The following ALYREF variants were observed in gnomAD, a reference collection of about 807,000 sequenced individuals.
ALYREF encodes THO complex subunit 4.
In ALYREF, 1 loss-of-function variant was observed where a neutral mutation model predicts 25.2. That is an observed-to-expected ratio of 0.04 (90% confidence interval 0.01 to 0.19). The LOEUF (loss-of-function observed/expected upper bound fraction) is 0.19. Ranked by LOEUF, ALYREF falls within the 10% of genes least tolerant of loss-of-function variation. The probability of loss-of-function intolerance (pLI) is 1.00; values close to 1 mark genes in which losing one functional copy is unlikely to be tolerated. For missense variants in ALYREF, 328 were observed against 375.6 expected, an observed-to-expected ratio of 0.87 and a Z score of 1.05; for synonymous variants, 193 against 153.5, an observed-to-expected ratio of 1.26 and a Z score of -1.90.
Position 81,888,085 on chromosome 17 carries a change from G to C in ALYREF, c.*46C>G, listed in dbSNP as rs1006687270. 1.2e-6 allele frequency: 2 copies of C among 1,613,128 alleles called. No homozygotes were observed. Among genetic ancestry groups the C allele is most frequent in the Non-Finnish European group, 1.7e-6 (2 of 1,179,844 alleles). On this transcript the variant is annotated 3_prime_UTR_variant, in exon 6 of 6. Transcript: ENST00000505490. The surrounding 1 kb of genome is among the most constrained non-coding windows in gnomAD (Gnocchi z 5.8). ...CCACCGCCCCCCAACCAGGGAGCAA[G>C]AGGAGACGCCTGGGTCCTGTTCCGC...
At position 81,888,083 on chromosome 17, in the gene ALYREF, A is replaced by C; in HGVS notation, c.*48T>G. 1 of 1,613,074 alleles carries C rather than the reference A, an allele frequency of 6.2e-7. No individual in the cohort carries two copies. Among genetic ancestry groups the C allele is most frequent in the Non-Finnish European group, 8.5e-7 (1 of 1,179,760 alleles). On this transcript the variant is annotated 3_prime_UTR_variant, in exon 6 of 6. Transcript: ENST00000505490. This position sits in a 1 kb window ranked among gnomAD's most constrained non-coding sequence, Gnocchi z 5.8. ...AGCCACCGCCCCCCAACCAGGGAGC[A>C]AGAGGAGACGCCTGGGTCCTGTTCC... is the stretch of plus-strand genomic sequence containing the variant.
chr17:81,890,562 C>A, intron 2 of ALYREF, 127 bp downstream of exon 2: 2 of 1,423,018 alleles, frequency 1.4e-6, no homozygotes, highest in South Asian at 1.3e-5. Flanking sequence ...TGGGTCTGTC[C>A]TGCAGCCCTT....
At chr17:81,891,227 T>G (rs1037808310) in intron 1 of ALYREF, 96 bp downstream of exon 1, 14 of 982,702 alleles carry the variant, frequency 1.4e-5, no homozygotes, top group Admixed American at 6.4e-5. Context: ...ACCAGCCTTA[T>G]CCACCCGCCG....
At position 81,890,677 on chromosome 17, in the gene ALYREF, C is replaced by G; in HGVS notation, c.390+12G>C. 6.2e-7 allele frequency: 1 copy of G among 1,613,170 alleles called. No homozygotes were observed. Among genetic ancestry groups the G allele is most frequent in the South Asian group, 1.1e-5 (1 of 91,064 alleles). On this transcript the variant is annotated intron_variant, in intron 2 of 5. Coordinates refer to ENST00000505490, the MANE Select transcript of ALYREF (RefSeq NM_005782.4). ...AGGGCGAACGGCTCACCGAGAAGCCCTCGTCTCTTACCTGAATATCGGCGT... is the reference window on the plus strand; with the variant it reads ...AGGGCGAACGGCTCACCGAGAAGCCGTCGTCTCTTACCTGAATATCGGCGT...
Position 81,891,493 on chromosome 17 carries a change from G to C in ALYREF, c.88C>G (p.Arg30Gly). 1 of 1,254,068 alleles carries C rather than the reference G, an allele frequency of 8.0e-7. No individual in the cohort carries two copies. Among genetic ancestry groups the C allele is most frequent in the Non-Finnish European group, 1.0e-6 (1 of 981,636 alleles). 77.7% of individuals were successfully genotyped at this position (1,254,068 alleles called of 1,614,324 possible). Residue 30 changes from arginine (R) to glycine (G), a missense_variant, in exon 1 of 6, where the codon CGG becomes GGG. Arg to Gly is a moderately radical substitution (Grantham distance 125). Coordinates refer to ENST00000505490, the MANE Select transcript of ALYREF (RefSeq NM_005782.4). ...IKLNRSQRGG[R>G]GGGRGRGRAG... ...CGGCCGCGGCCCCGGCCCCCGCCCC[G>C]GCCGCCTCGCTGGCTCCGGTTCAGT...
At position 81,891,565 on chromosome 17, in the gene ALYREF, G is replaced by A; in HGVS notation, c.16C>T (p.Pro6Ser). 3 of 1,439,630 alleles carry A rather than the reference G, an allele frequency of 2.1e-6. No homozygotes were observed. Among genetic ancestry groups the A allele is most frequent in the Non-Finnish European group, 2.7e-6 (3 of 1,095,698 alleles). 89.2% of individuals were successfully genotyped at this position (1,439,630 alleles called of 1,614,324 possible). A position where few individuals can be genotyped will look rare whatever the true frequency, so the allele number is the denominator to read the frequency against. ...ATGTCCATTTTGTCGGCCATGGCGG[G>A]CGCGGAATCGGGCATCGGCTCGAGC... MPDSA[P>S]AMADKMDMSL... The change falls in exon 1 of 6, where the codon CCC becomes TCC. Residue 6 changes from proline (P) to serine (S), a missense_variant. Physicochemically the swap from Pro to Ser is moderately conservative, Grantham distance 74. Around this residue, in one of 3 missense-constraint regions of ALYREF, gnomAD observed 150 missense variants for 135.3 expected, o/e 1.11. Transcript: ENST00000505490.
At position 81,888,602 on chromosome 17, in the gene ALYREF, G is replaced by A. The variant is rs759681119; in HGVS notation, c.539-19C>T. On this transcript the variant is annotated intron_variant, in intron 3 of 5. Coordinates refer to ENST00000505490, the MANE Select transcript of ALYREF (RefSeq NM_005782.4). This position sits in a 1 kb window ranked among gnomAD's most constrained non-coding sequence, Gnocchi z 5.8. ...GGGCGGCCTGCGGCAAAGAATACGA[G>A]AAGGCACGTTCTATTGAGAGGCTCT... The A allele has an allele frequency of 6.3e-6, 10 of 1,581,060 alleles. No homozygotes were observed. The highest frequency in any genetic ancestry group is 2.7e-5 in the African/African-American group (2 of 74,434).
At position 81,891,325 on chromosome 17, in the gene ALYREF, T is replaced by G. The variant is rs1259868198; in HGVS notation, c.256A>C (p.Arg86=). 2 of 1,151,776 alleles carry G rather than the reference T, an allele frequency of 1.7e-6. No homozygotes were observed. The highest frequency in any genetic ancestry group is 4.8e-5 in the East Asian group (1 of 20,988). The allele number at this position is 1,151,776 out of a possible 1,614,324, so 71.3% of individuals were successfully genotyped here. The part of the protein sequence containing the change: ...GGRNRPAPYS[R]PKQLPDKWQH... ...GCGCGGCCGGCCTCCGCACTCACCC[T>G]GCTGTAGGGCGCCGGTCGGTTCCTG... Residue 86 remains arginine (R), a splice_region_variant and synonymous_variant, in exon 1 of 6, where the codon AGG becomes CGG. Coordinates refer to ENST00000505490, the MANE Select transcript of ALYREF (RefSeq NM_005782.4).
At chr17:81,889,035 A>AT (rs1010051622) in intron 3 of ALYREF, 147 bp downstream of exon 3, 14 of 1,461,696 alleles carry the variant, frequency 9.6e-6, no homozygotes, top group African/African-American at 2.8e-5. Flanking sequence ...GTGGGGCAGC[A>AT]TGAGAGGTGG....
Position 81,890,737 on chromosome 17 carries a change from T to C in ALYREF, c.342A>G (p.Lys114=). 3.1e-6 allele frequency: 5 copies of C among 1,613,872 alleles called. No homozygotes were observed. Among genetic ancestry groups the C allele is most frequent in the Non-Finnish European group, 4.2e-6 (5 of 1,179,990 alleles). The change falls in exon 2 of 6, where the codon AAA becomes AAG. Residue 114 remains lysine (K), a synonymous_variant. Transcript: ENST00000505490. ...CAAAATCCAGATTGGACACCAGCAG[T>C]TTCCCACCTGTCTCCACGCCGGCAC... is the stretch of plus-strand genomic sequence containing the variant. ...GGGAGVETGG[K]LLVSNLDFGV... is the part of the protein sequence containing the mutation.
intron 3 of ALYREF, 150 bp downstream of exon 3, chr17:81,889,032 A>T: frequency 6.9e-7 from 1 of 1,458,548 alleles, no homozygotes; most frequent in Non-Finnish European, 9.1e-7. Context: ...TGTGTGGGGC[A>T]GCATGAGAGG....
rs1245720040 is a variant in ALYREF, at chr17:81,887,931, C to T, written c.*200G>A. The T allele has an allele frequency of 1.7e-6, 1 of 576,562 alleles. No individual in the cohort carries two copies. The highest frequency in any genetic ancestry group is 2.7e-6 in the Non-Finnish European group (1 of 365,336). 35.7% of individuals were successfully genotyped at this position (576,562 alleles called of 1,614,324 possible). A position where few individuals can be genotyped will look rare whatever the true frequency, so the allele number is the denominator to read the frequency against. ...AGTAAAATTTATCCCAAAAATAACTCGGTACAAAACAGGTCTGTTTCAGAA... is the reference window on the plus strand; with the variant it reads ...AGTAAAATTTATCCCAAAAATAACTTGGTACAAAACAGGTCTGTTTCAGAA... On this transcript the variant is annotated 3_prime_UTR_variant, in exon 6 of 6. Coordinates refer to ENST00000505490, the MANE Select transcript of ALYREF (RefSeq NM_005782.4).
intron 2 of ALYREF, 138 bp downstream of exon 2, chr17:81,890,551 C>T: frequency 7.5e-7 from 1 of 1,330,718 alleles, no homozygotes; most frequent in Non-Finnish European, 1.0e-6. Flanking sequence ...TTTACTAGCA[C>T]TGGGTCTGTC....
At position 81,888,470 on chromosome 17, in the gene ALYREF, C is replaced by T. The variant is rs890916997; in HGVS notation, c.602+50G>A. ...ACACCCGGAAGGACCCTAAGAGCGA[C>T]GCAGCCTCACCCTCGGCCAATCCCC... is the stretch of plus-strand genomic sequence containing the variant. On this transcript the variant is annotated intron_variant, in intron 4 of 5. Coordinates refer to ENST00000505490, the MANE Select transcript of ALYREF (RefSeq NM_005782.4). The surrounding 1 kb of genome is among the most constrained non-coding windows in gnomAD (Gnocchi z 5.8). 3 of 1,604,002 alleles carry T rather than the reference C, an allele frequency of 1.9e-6. No homozygotes were observed. Among genetic ancestry groups the T allele is most frequent in the Non-Finnish European group, 2.6e-6 (3 of 1,173,690 alleles).
intron 2 of ALYREF, among the ~76,000 whole-genome samples, 162 bp downstream of exon 2, chr17:81,890,527 G>C (rs191947278): frequency 1.1e-3 from 166 of 152,188 alleles, no homozygotes; most frequent in Admixed American, 1.9e-3. Context: ...ACCTGCCTGC[G>C]CACTGACCCC....
rs978117058 is a variant in ALYREF, at chr17:81,890,828, A to G, written c.259-8T>C. On this transcript the variant is annotated splice_polypyrimidine_tract_variant and splice_region_variant and intron_variant, in intron 1 of 5. Coordinates refer to ENST00000505490, the MANE Select transcript of ALYREF (RefSeq NM_005782.4). Reference sequence around the variant, plus strand: ...GTCGGGAAGTTGTTTTGGCTGAAAAAAAAACCGCAACAAGAGCAGATCTGT... The same window carrying G: ...GTCGGGAAGTTGTTTTGGCTGAAAAGAAAACCGCAACAAGAGCAGATCTGT... 1.2e-6 allele frequency: 2 copies of G among 1,613,856 alleles called. No individual in the cohort carries two copies. The highest frequency in any genetic ancestry group is 1.7e-6 in the Non-Finnish European group (2 of 1,179,990).
rs1425743439 is a variant in ALYREF, at chr17:81,888,006, A to G, written c.*125T>C. 4.9e-6 allele frequency: 6 copies of G among 1,226,594 alleles called. No individual in the cohort carries two copies. The highest frequency in any genetic ancestry group is 6.7e-6 in the Non-Finnish European group (6 of 894,424). The allele number at this position is 1,226,594 out of a possible 1,614,324, so 76.0% of individuals were successfully genotyped here. ...AAAAAACCTTTACATGAGTTTTTAA[A>G]TCCTATTTTAAAACATAAAAGAAAC... is the stretch of plus-strand genomic sequence containing the variant. On this transcript the variant is annotated 3_prime_UTR_variant, in exon 6 of 6. Coordinates refer to ENST00000505490, the MANE Select transcript of ALYREF (RefSeq NM_005782.4). The surrounding 1 kb of genome is among the most constrained non-coding windows in gnomAD (Gnocchi z 5.8).
At chr17:81,891,079 G>A (rs982278497) in intron 1 of ALYREF, 5 of 666,948 alleles carry the variant, frequency 7.5e-6, no homozygotes, top group Non-Finnish European at 1.2e-5. Context: ...CCTGCCACGA[G>A]GCCCCAACGT....
rs1230584787 is a variant in ALYREF, at chr17:81,887,959, AAAAAAAAAAAAAAAG to A, written c.*157_*171del. 2.8e-5 allele frequency: 6 copies of A among 217,862 alleles called. No individual in the cohort carries two copies. The highest frequency in any genetic ancestry group is 4.1e-5 in the Non-Finnish European group (5 of 122,680). 13.5% of individuals were successfully genotyped at this position (217,862 alleles called of 1,614,324 possible). ...TACAAAACAGGTCTGTTTCAGAATTAAAAAAAAAAAAAAAGAAAAAAAAAAAACCTTTACATGAGT... is the reference window on the plus strand; with the variant it reads ...TACAAAACAGGTCTGTTTCAGAATTAAAAAAAAAAAAACCTTTACATGAGT... On this transcript the variant is annotated 3_prime_UTR_variant, in exon 6 of 6. Coordinates refer to ENST00000505490, the MANE Select transcript of ALYREF (RefSeq NM_005782.4).
Sources: allele counts gnomAD v4.1 joint callset (sites outside exome capture counted in the v4.1 genomes callset), GRCh38; gene constraint gnomAD v4.1.1; regional missense constraint gnomAD v4.1.1; non-coding constraint Gnocchi (gnomAD v3.1); transcripts MANE v1.5; gene names NCBI Gene and HGNC (gene_info 2026-07-23, HGNC 2026-07-21).